Variants in CPQ observed in about 807,000 individuals in gnomAD.
The protein encoded by CPQ is Ser-Met dipeptidase.
In CPQ, 37 loss-of-function variants were observed where a neutral mutation model predicts 45.7. The ratio of observed to expected loss-of-function variants is 0.81; its 90% CI spans 0.62 to 1.07. The LOEUF (loss-of-function observed/expected upper bound fraction) is 1.07, where lower values mean the gene tolerates loss of function less well. CPQ is among the 50% of genes least tolerant of loss of function. CPQ has a pLI of 0.00. For synonymous variants in CPQ, 186 were observed against 205.8 expected (o/e 0.90, Z 0.82); for missense variants, 537 against 572.9 (o/e 0.94, Z 0.64).
intron 1 of CPQ, among the ~76,000 whole-genome samples, chr8:96,672,621 T>A (rs1314588999): frequency 6.6e-6 from 1 of 151,836 alleles, no homozygotes. Flanking sequence ...CTACTAAAAA[T>A]ACAAAAATTA....
At chr8:96,802,544 C>T (rs900087669) in intron 2 of CPQ, among the ~76,000 whole-genome samples, 2 of 152,138 alleles carry the variant, frequency 1.3e-5, no homozygotes, top group African/African-American at 4.8e-5. Flanking sequence ...CTTTACAGTC[C>T]TGATTTTCTT....
At chr8:96,954,976 T>C (rs1172012528) in intron 4 of CPQ, among the ~76,000 whole-genome samples, 2 of 152,210 alleles carry the variant, frequency 1.3e-5, no homozygotes, top group Non-Finnish European at 2.9e-5. Context: ...ATGTGCCACA[T>C]TTTCTTAATC....
chr8:96,717,936 T>C (rs889443439), intron 1 of CPQ, among the ~76,000 whole-genome samples: 11 of 152,192 alleles, frequency 7.2e-5, no homozygotes, highest in African/African-American at 2.7e-4. Context: ...TTAGCTCCTA[T>C]GCACTTGGCA....
intron 7 of CPQ, among the ~76,000 whole-genome samples, chr8:97,101,947 CCTCCCT>C (rs1323835783): frequency 2.3e-5 from 3 of 129,568 alleles, no homozygotes; most frequent in African/African-American, 9.5e-5. Flanking sequence ...TCTCTCCCTC[CCTCCCT>C]CTCTCTCTCT....
intron 3 of CPQ, among the ~76,000 whole-genome samples, chr8:96,865,086 C>A (rs1454874138): frequency 6.6e-6 from 1 of 151,706 alleles, no homozygotes; most frequent in African/African-American, 2.4e-5. Context: ...ACATTTATAA[C>A]AATAATAATA....
chr8:96,952,782 C>CCAT (rs1434612833), intron 4 of CPQ, among the ~76,000 whole-genome samples: 1 of 152,048 alleles, frequency 6.6e-6, no homozygotes, highest in Non-Finnish European at 1.5e-5. Context: ...GTGGAACTTT[C>CCAT]CATCTGTAGA....
chr8:97,142,938 G>A, intron 7 of CPQ, 82 bp from the exon 8 acceptor site: 1 of 1,383,332 alleles, frequency 7.2e-7, no homozygotes, highest in South Asian at 1.3e-5. Context: ...ATAGGAGCAG[G>A]CAAAAGTGAA....
intron 7 of CPQ, among the ~76,000 whole-genome samples, chr8:97,135,947 G>T (rs930659739): frequency 2.0e-5 from 3 of 152,140 alleles, no homozygotes; most frequent in Admixed American, 1.3e-4. Flanking sequence ...CTATAATAAT[G>T]GTGACTTTGA....
chr8:97,046,659 C>A (rs1810262459), intron 6 of CPQ, among the ~76,000 whole-genome samples: 1 of 152,162 alleles, frequency 6.6e-6, no homozygotes, highest in African/African-American at 2.4e-5. Flanking sequence ...CACTCCCTCC[C>A]CTGTGAAATC....
chr8:97,032,359 A>G (rs529677999), intron 6 of CPQ, among the ~76,000 whole-genome samples: 1 of 152,088 alleles, frequency 6.6e-6, no homozygotes, highest in East Asian at 1.9e-4. Context: ...AGGCAGGGGG[A>G]TAGTAGGAGG....
At chr8:96,831,220 G>A (rs1014996708) in intron 2 of CPQ, among the ~76,000 whole-genome samples, 2 of 151,672 alleles carry the variant, frequency 1.3e-5, no homozygotes, top group African/African-American at 2.4e-5. Flanking sequence ...TCATTCAGTG[G>A]GTTATGGGTA....
rs1412804907 is a variant in CPQ, at chr8:97,118,327, C to CAGT, written c.1256-24691_1256-24689dup. Among the ~76,000 whole-genome samples the CAGT allele has an allele frequency of 1.6e-4, 25 of 152,018 alleles. 1 individual carries two copies. Among genetic ancestry groups the CAGT allele is most frequent in the Admixed American group, 2.6e-4 (4 of 15,272 alleles). ...ATGGTGATTCTAGTCCTGGCTCAGT[C>CAGT]AGTAATAGGTCACTGACCCCAGAGA... On this transcript the variant is annotated intron_variant, in intron 7 of 7. Coordinates refer to ENST00000220763, the MANE Select transcript of CPQ (RefSeq NM_016134.4).
chr8:97,085,474 A>G (rs1350676339), intron 7 of CPQ, among the ~76,000 whole-genome samples: 3 of 152,078 alleles, frequency 2.0e-5, no homozygotes, highest in African/African-American at 4.8e-5. Context: ...TAAGCAAACC[A>G]TATTCTTCAG....
At chr8:96,713,574 T>A (rs1809640439) in intron 1 of CPQ, among the ~76,000 whole-genome samples, 1 of 152,096 alleles carries the variant, frequency 6.6e-6, no homozygotes, top group African/African-American at 2.4e-5. Flanking sequence ...AACCATCAGA[T>A]CTTGTGAGAA....
At chr8:97,065,776 A>G (rs1810625196) in intron 6 of CPQ, among the ~76,000 whole-genome samples, 3 of 152,082 alleles carry the variant, frequency 2.0e-5, no homozygotes, top group Admixed American at 6.5e-5. Context: ...CCTTCATTAT[A>G]TTTTTTTAAT....
chr8:96,857,738 C>T (rs1353397048), intron 3 of CPQ, among the ~76,000 whole-genome samples: 1 of 152,132 alleles, frequency 6.6e-6, no homozygotes, highest in Non-Finnish European at 1.5e-5. Flanking sequence ...CTTTTCTTGT[C>T]CCTGTGTTCC....
intron 1 of CPQ, among the ~76,000 whole-genome samples, chr8:96,652,897 G>T (rs1022476218): frequency 6.6e-6 from 1 of 152,186 alleles, no homozygotes; most frequent in African/African-American, 2.4e-5. Flanking sequence ...GCCTCCCAAA[G>T]TACTGGGATT....
At chr8:96,763,986 A>T (rs1027949796) in intron 1 of CPQ, among the ~76,000 whole-genome samples, 1 of 152,216 alleles carries the variant, frequency 6.6e-6, no homozygotes, top group African/African-American at 2.4e-5. Flanking sequence ...TAAAAAAGTT[A>T]AACATACACT....
At chr8:97,002,147 C>G (rs1809294742) in intron 5 of CPQ, among the ~76,000 whole-genome samples, 2 of 150,794 alleles carry the variant, frequency 1.3e-5, no homozygotes, top group Admixed American at 1.3e-4. Flanking sequence ...TTATTTGAAC[C>G]TTCTCTCTTT....
Sources: allele counts gnomAD v4.1 joint callset (sites outside exome capture counted in the v4.1 genomes callset), GRCh38; gene constraint gnomAD v4.1.1; transcripts MANE v1.5; gene names NCBI Gene and HGNC (gene_info 2026-07-23, HGNC 2026-07-21).